Variants in URGCP observed in about 807,000 individuals in gnomAD.
URGCP encodes up-regulator of cell proliferation.
A neutral mutation model predicts 24.6 loss-of-function variants in URGCP; 13 were observed. The ratio of observed to expected loss-of-function variants is 0.53; its 90% confidence interval spans 0.34 to 0.84. The LOEUF (loss-of-function observed/expected upper bound fraction) is 0.84, where lower values mean the gene tolerates loss of function less well. Ranked by LOEUF, URGCP falls within the 40% of genes least tolerant of loss-of-function variation. The pLI is 0.01. For missense variants in URGCP, 899 were observed against 1,194.3 expected, an observed-to-expected ratio of 0.75 and a Z score of 3.64; for synonymous variants, 444 against 487.2, an observed-to-expected ratio of 0.91 and a Z score of 1.17.
chr7:43,915,456 T>C (rs1203557337), intron 1 of URGCP, among the ~76,000 whole-genome samples: 1 of 152,242 alleles, frequency 6.6e-6, no homozygotes, highest in Non-Finnish European at 1.5e-5. Context: ...GGCATTTTCC[T>C]TCTGTTTGCA....
chr7:43,909,420 T>G (rs2095907602), upstream of URGCP, among the ~76,000 whole-genome samples: 1 of 152,180 alleles, frequency 6.6e-6, no homozygotes, highest in Admixed American at 6.5e-5. Flanking sequence ...ATTGCCAACT[T>G]CATAGGTTAA....
Position 43,887,420 on chromosome 7 carries a change from A to G in URGCP, c.107T>C (p.Ile36Thr). The change falls in exon 3 of 6, where the codon ATT becomes ACT. Residue 36 changes from isoleucine to threonine, a missense_variant. Physicochemically the swap from Ile to Thr is moderately conservative, Grantham distance 89 (BLOSUM62 -1). Coordinates refer to ENST00000453200, the MANE Select transcript of URGCP (RefSeq NM_001077663.3). ...TCCAATTCATCCAACTTTACCTGCA[A>G]TGGCCACAGCTGTTCGTCTCTCTGA... ...KASERRTAVA[I>T]ADLEWREMEG... 2 of 1,613,584 alleles carry G rather than the reference A, an allele frequency of 1.2e-6. No individual in the cohort carries two copies. Among genetic ancestry groups the G allele is most frequent in the Non-Finnish European group, 1.7e-6 (2 of 1,179,728 alleles).
intron 1 of URGCP, among the ~76,000 whole-genome samples, chr7:43,925,798 CT>C (rs60736722): frequency 0.19 from 22,292 of 116,382 alleles, 2,047 homozygotes; most frequent in Admixed American, 0.25. Flanking sequence ...CCTCGTCTGG[CT>C]TTTTTTTTTT....
At chr7:43,887,667 G>A (rs1436148073) in intron 2 of URGCP, 123 bp downstream of exon 2, 18 of 1,487,818 alleles carry the variant, frequency 1.2e-5, no homozygotes, top group Non-Finnish European at 1.6e-5. Context: ...TTTTAAAAGT[G>A]CCCTCAATGA....
intron 1 of URGCP, among the ~76,000 whole-genome samples, chr7:43,898,842 TA>T (rs35455149): frequency 0.012 from 1,677 of 139,216 alleles, 28 homozygotes; most frequent in African/African-American, 0.036. Flanking sequence ...AGGAAAGAGT[TA>T]AAAAAAAAAA....
chr7:43,917,967 C>A (rs530869782), intron 1 of URGCP, among the ~76,000 whole-genome samples: 2 of 151,868 alleles, frequency 1.3e-5, no homozygotes, highest in East Asian at 3.9e-4. Flanking sequence ...TCTCAAAAAA[C>A]AAAACAAAAC....
At chr7:43,900,264 G>A (rs1032424873) in intron 1 of URGCP, among the ~76,000 whole-genome samples, 2 of 151,620 alleles carry the variant, frequency 1.3e-5, no homozygotes, top group South Asian at 2.1e-4. Context: ...AGACCAACCT[G>A]GGCAACATTG....
At position 43,878,040 on chromosome 7, in the gene URGCP, G is replaced by C; in HGVS notation, c.1423C>G (p.Arg475Gly). The change falls in exon 6 of 6, where the codon CGG becomes GGG. Residue 475 changes from arginine to glycine, a missense_variant. Transcript: ENST00000453200. The surrounding 1 kb of genome is among the most constrained non-coding windows in gnomAD (Gnocchi z 5.6). ...ATTTTCCTGGTAATCCTCTCCATCC[G>C]GTCTTTCGCTTTCTGACACTCCTCA... ...DCEECQKAKD[R>G]MERITRKIKD... 6.2e-7 allele frequency: 1 copy of C among 1,614,160 alleles called. No individual in the cohort carries two copies. The highest frequency in any genetic ancestry group is 8.5e-7 in the Non-Finnish European group (1 of 1,180,044).
Position 43,876,374 on chromosome 7 carries a change from C to T in URGCP, c.*293G>A, listed in dbSNP as rs1435851969. ...GGGCCAGTGACAGAGAGCAGCTATA[C>T]AGAGGGCCCACCCCGCAGGATCCTT... On this transcript the variant is annotated 3_prime_UTR_variant, in exon 6 of 6. Transcript: ENST00000453200. 4.9e-6 allele frequency: 2 copies of T among 405,434 alleles called. No individual in the cohort carries two copies. Among genetic ancestry groups the T allele is most frequent in the Non-Finnish European group, 9.0e-6 (2 of 221,222 alleles). 25.1% of individuals were successfully genotyped at this position (405,434 alleles called of 1,614,324 possible).
upstream of URGCP, chr7:43,926,626 C>T: frequency 3.4e-6 from 5 of 1,469,146 alleles, no homozygotes; most frequent in Non-Finnish European, 4.5e-6. Flanking sequence ...GCGCCGCTGC[C>T]GTGAAGTGAA....
chr7:43,918,739 A>G, intron 1 of URGCP: 1 of 778,254 alleles, frequency 1.3e-6, no homozygotes, highest in Non-Finnish European at 2.3e-6. Flanking sequence ...CAGTGCAGCA[A>G]TCAGATTGGG....
intron 1 of URGCP, among the ~76,000 whole-genome samples, chr7:43,897,606 G>GT (rs2095881146): frequency 6.6e-6 from 1 of 152,002 alleles, no homozygotes; most frequent in Non-Finnish European, 1.5e-5. Flanking sequence ...AAATAAAAAA[G>GT]ATTTTTTAAA....
chr7:43,915,546 C>T (rs543387458), intron 1 of URGCP, among the ~76,000 whole-genome samples: 7 of 152,284 alleles, frequency 4.6e-5, no homozygotes, highest in African/African-American at 1.2e-4. Context: ...ATGCATGGGA[C>T]GGACAGGCAA....
intron 1 of URGCP, among the ~76,000 whole-genome samples, chr7:43,893,597 G>A (rs2095874203): frequency 6.6e-6 from 1 of 152,078 alleles, no homozygotes; most frequent in Non-Finnish European, 1.5e-5. Flanking sequence ...AAGGCTGGGT[G>A]CAGTGGCTCA....
intron 1 of URGCP, among the ~76,000 whole-genome samples, chr7:43,890,891 T>C (rs1434946400): frequency 1.3e-5 from 2 of 152,386 alleles, no homozygotes; most frequent in East Asian, 3.9e-4. Context: ...CATTGCTCAT[T>C]CTGGAGGCCA....
chr7:43,915,177 G>A (rs2095914170), intron 1 of URGCP, among the ~76,000 whole-genome samples: 1 of 152,166 alleles, frequency 6.6e-6, no homozygotes, highest in Admixed American at 6.5e-5. Flanking sequence ...CCTTTCACAG[G>A]TGTCTGTGTG....
intron 1 of URGCP, among the ~76,000 whole-genome samples, chr7:43,903,442 A>G (rs2132708795): frequency 6.6e-6 from 1 of 152,346 alleles, no homozygotes; most frequent in East Asian, 1.9e-4. Flanking sequence ...ACTATTTAAA[A>G]TCTTTTTAAG....
intron 1 of URGCP, among the ~76,000 whole-genome samples, chr7:43,924,082 C>T (rs2095925807): frequency 6.6e-6 from 1 of 152,100 alleles, no homozygotes; most frequent in African/African-American, 2.4e-5. Flanking sequence ...GTTGGCCAGG[C>T]TGAGCTCAAA....
chr7:43,924,118 C>T lies in URGCP; in HGVS notation c.-116+2014G>A, dbSNP rs142620523. ...CTCCTGGCCTCAAGCAATCCACCTG[C>T]CTTGACCTCCCAAAGTGCTGCGATT... On this transcript the variant is annotated intron_variant, in intron 1 of 5. Transcript: ENST00000426198. Among the ~76,000 whole-genome samples the T allele has an allele frequency of 2.0e-5, 3 of 152,262 alleles. No homozygotes were observed. The East Asian group carries it at 5.8e-4, about 29-fold the overall frequency.
Sources: gnomAD v4.1 joint callset for allele counts (sites outside exome capture counted in the v4.1 genomes callset) on GRCh38, gnomAD v4.1.1 for gene constraint, Gnocchi (gnomAD v3.1) non-coding constraint, MANE v1.5 for transcripts, NCBI Gene and HGNC (gene_info 2026-07-23, HGNC 2026-07-21) for gene names.